DNAH9: variants seen among roughly 807,000 people sequenced by gnomAD.
DNAH9 encodes DNAH9 variant protein.
DNAH9 carries 345 observed loss-of-function variants against 471.6 expected under a neutral mutation model. The ratio of observed to expected loss-of-function variants is 0.73; its 90% CI spans 0.67 to 0.80. The LOEUF (loss-of-function observed/expected upper bound fraction) is 0.80. Among genes scored for constraint, DNAH9 ranks in the 30% least tolerant of loss-of-function variants. DNAH9 has a pLI of 0.00. For missense variants in DNAH9, 5,407 were observed against 5,609.2 expected, an observed-to-expected ratio of 0.96 and a Z score of 1.15; for synonymous variants, 2,093 against 2,123.6, an observed-to-expected ratio of 0.99 and a Z score of 0.40.
chr17:11,738,894 A>G lies in DNAH9; in HGVS notation c.5829A>G (p.Gln1943=). 6.2e-7 allele frequency: 1 copy of G among 1,614,100 alleles called. No homozygotes were observed. Among genetic ancestry groups the G allele is most frequent in the Non-Finnish European group, 8.5e-7 (1 of 1,179,972 alleles). ...TGGTTCACCAGGTAAAAAGCATTCA[A>G]GATGCGATTAGAGATAAGAAGCAGT... ...SVVAVQVKSI[Q]DAIRDKKQWF... is the part of the protein sequence containing the mutation. Residue 1943 remains glutamine (Q), a synonymous_variant, in exon 29 of 69, where the codon CAA becomes CAG. Transcript: ENST00000262442.
At chr17:11,883,502 G>C (rs1972791261) in intron 55 of DNAH9, 84 bp from the exon 56 acceptor site, 1 of 1,498,772 alleles carries the variant, frequency 6.7e-7, no homozygotes, top group African/African-American at 1.4e-5. Context: ...TTAAGGCAAG[G>C]GACTCTCGCC....
intron 14 of DNAH9, 132 bp from the exon 15 acceptor site, chr17:11,664,701 A>G: frequency 1.4e-6 from 1 of 726,592 alleles, no homozygotes; most frequent in South Asian, 1.7e-5. Flanking sequence ...AGTGGATTCG[A>G]TACATGTGTA....
At chr17:11,712,796 T>C (rs922192644) in intron 26 of DNAH9, among the ~76,000 whole-genome samples, 2 of 152,122 alleles carry the variant, frequency 1.3e-5, no homozygotes, top group African/African-American at 2.4e-5. Context: ...GAGAATTCTT[T>C]GTATATTCTG....
At chr17:11,627,147 C>T (rs1283839901) in intron 6 of DNAH9, among the ~76,000 whole-genome samples, 1 of 152,008 alleles carries the variant, frequency 6.6e-6, no homozygotes, top group Non-Finnish European at 1.5e-5. Flanking sequence ...GAGTTGAGCC[C>T]CAGATAAATC....
chr17:11,866,956 T>C (rs1972078989), intron 50 of DNAH9, among the ~76,000 whole-genome samples: 1 of 152,248 alleles, frequency 6.6e-6, no homozygotes, highest in Non-Finnish European at 1.5e-5. Flanking sequence ...GGGAACTCCC[T>C]GACCCCTTGT....
At chr17:11,918,057 T>G (rs1974011597) in intron 61 of DNAH9, among the ~76,000 whole-genome samples, 1 of 152,196 alleles carries the variant, frequency 6.6e-6, no homozygotes, top group African/African-American at 2.4e-5. Flanking sequence ...TCCAACGTTC[T>G]GAGATTTTTG....
intron 43 of DNAH9, among the ~76,000 whole-genome samples, chr17:11,803,292 G>A (rs1969537174): frequency 6.6e-6 from 1 of 151,870 alleles, no homozygotes; most frequent in Non-Finnish European, 1.5e-5. Context: ...TCTTCTCTTA[G>A]AATCACTTAG....
chr17:11,762,744 G>T (rs1183906559), intron 35 of DNAH9, among the ~76,000 whole-genome samples: 2 of 142,404 alleles, frequency 1.4e-5, no homozygotes, highest in Non-Finnish European at 3.1e-5. Context: ...CACCAAAATT[G>T]CCTCTTTAGG....
intron 42 of DNAH9, among the ~76,000 whole-genome samples, chr17:11,794,004 T>C (rs1259274605): frequency 6.6e-6 from 1 of 151,824 alleles, no homozygotes; most frequent in Non-Finnish European, 1.5e-5. Context: ...GGCCGCCATT[T>C]TGGGGCTGCT....
chr17:11,599,354 A>G (rs1026386906), intron 1 of DNAH9, among the ~76,000 whole-genome samples: 1 of 152,144 alleles, frequency 6.6e-6, no homozygotes, highest in African/African-American at 2.4e-5. Flanking sequence ...ACAAGACGGC[A>G]TTTCTGATGG....
chr17:11,911,630 T>G (rs1973796476), intron 61 of DNAH9, among the ~76,000 whole-genome samples: 1 of 152,224 alleles, frequency 6.6e-6, no homozygotes, highest in African/African-American at 2.4e-5. Context: ...TAAATGTAGC[T>G]TGAATTTCAG....
intron 48 of DNAH9, among the ~76,000 whole-genome samples, chr17:11,830,409 CT>C (rs1970645841): frequency 6.6e-6 from 1 of 152,210 alleles, no homozygotes; most frequent in Non-Finnish European, 1.5e-5. Context: ...ATCCACACAT[CT>C]GTCAATCTGG....
chr17:11,714,310 TTTTGTTGGGTCTGTCCCATCA>T (rs1355922196), intron 26 of DNAH9, among the ~76,000 whole-genome samples: 1 of 152,212 alleles, frequency 6.6e-6, no homozygotes. Flanking sequence ...TTAAATTGGA[TTTTGTTGGGTCTGTCCCATCA>T]TTTTTTCACT....
intron 17 of DNAH9, among the ~76,000 whole-genome samples, chr17:11,671,391 T>A (rs1256961505): frequency 6.6e-6 from 1 of 151,996 alleles, no homozygotes; most frequent in Non-Finnish European, 1.5e-5. Flanking sequence ...AGCTCCAGCG[T>A]CCATCAGGAA....
In DNAH9 at chr17:11,937,464, A is replaced by C; in HGVS notation, c.12602A>C (p.Glu4201Ala). Residue 4201 changes from glutamate (E) to alanine (A), a missense_variant, in exon 66 of 69, where the codon GAG becomes GCG. By Grantham distance (107) the Glu-to-Ala change is moderately radical. Coordinates refer to ENST00000262442, the MANE Select transcript of DNAH9 (RefSeq NM_001372.4). This position sits in a 1 kb window ranked among gnomAD's most constrained non-coding sequence, Gnocchi z 4.1. ...GAAAAGCTCTTCCGCACTGTGCTGG[A>C]GCTGCAGCCTCGGGACAGCCAGGCC... ...TSEKLFRTVL[E>A]LQPRDSQARD... The C allele has an allele frequency of 1.9e-6, 3 of 1,613,900 alleles. No individual in the cohort carries two copies. The highest frequency in any genetic ancestry group is 2.5e-6 in the Non-Finnish European group (3 of 1,179,868).
chr17:11,645,737 T>G (rs1363756739), intron 11 of DNAH9, among the ~76,000 whole-genome samples: 3 of 152,024 alleles, frequency 2.0e-5, no homozygotes, highest in Admixed American at 2.0e-4. Flanking sequence ...CCACCCAACC[T>G]CTGGCCATCC....
rs375892729 is a variant in DNAH9, at chr17:11,738,569, C to T, written c.5815-311C>T. ...CTGATTTTTGTATTTTTAGTAGAGACGGGGTTTCACCATGTTGGCCAGGCT... is the reference window on the plus strand; with the variant it reads ...CTGATTTTTGTATTTTTAGTAGAGATGGGGTTTCACCATGTTGGCCAGGCT... On this transcript the variant is annotated intron_variant, in intron 28 of 68. Coordinates refer to ENST00000262442, the MANE Select transcript of DNAH9 (RefSeq NM_001372.4). Among the ~76,000 whole-genome samples, 20 of 152,180 alleles carry T rather than the reference C, an allele frequency of 1.3e-4. No individual in the cohort carries two copies. The East Asian group carries it at 1.5e-3, about 12-fold the overall frequency.
In DNAH9 at chr17:11,769,131, GT is replaced by G. The variant is rs1269121472; in HGVS notation, c.7355del (p.Val2452GlyfsTer16). On this transcript the variant is annotated frameshift_variant, in exon 38 of 69. Coordinates refer to ENST00000262442, the MANE Select transcript of DNAH9 (RefSeq NM_001372.4). LOFTEE classifies it high-confidence loss of function. ...TGTGCTCCCATTCCAGGCGTGTTTG[GT>G]GCACACGAGTGAGACCATCCGTGTG... ...DPEMPLQACLVHTSETIRVCY... is the reference protein window; with the variant it reads ...DPEMPLQACLXHTSETIRVCY... 18 of 1,614,196 alleles carry G rather than the reference GT, an allele frequency of 1.1e-5. No homozygotes were observed. The highest frequency in any genetic ancestry group is 1.5e-5 in the Non-Finnish European group (18 of 1,180,026).
At chr17:11,830,326 G>T (rs556142391) in intron 48 of DNAH9, among the ~76,000 whole-genome samples, 7 of 152,334 alleles carry the variant, frequency 4.6e-5, no homozygotes, top group South Asian at 4.1e-4. Context: ...ATGAGGAAAA[G>T]AGGGTTGTTG....
Sources: allele counts gnomAD v4.1 joint callset (sites outside exome capture counted in the v4.1 genomes callset), GRCh38; gene constraint gnomAD v4.1.1; non-coding constraint Gnocchi (gnomAD v3.1); transcripts MANE v1.5; gene names NCBI Gene and HGNC (gene_info 2026-07-23, HGNC 2026-07-21).